Variants in SDK1 observed in about 807,000 individuals in gnomAD.
The protein encoded by SDK1 is sidekick cell adhesion molecule 1.
In SDK1, 157 loss-of-function variants were observed where a neutral mutation model predicts 245.5. That is an observed-to-expected ratio of 0.64 (90% CI 0.56 to 0.73). The LOEUF (loss-of-function observed/expected upper bound fraction) is 0.73. SDK1 is among the 30% of genes least tolerant of loss of function. The probability of loss-of-function intolerance (pLI) is 0.00; values close to 1 mark genes in which losing one functional copy is unlikely to be tolerated. For missense variants in SDK1, 3,583 were observed against 3,002.3 expected, an observed-to-expected ratio of 1.19 and a Z score of -4.52; for synonymous variants, 1,647 against 1,278.5, an observed-to-expected ratio of 1.29 and a Z score of -6.15.
intron 5 of SDK1, among the ~76,000 whole-genome samples, chr7:3,902,650 A>G (rs1781829058): frequency 6.6e-6 from 1 of 152,248 alleles, no homozygotes; most frequent in Non-Finnish European, 1.5e-5. Flanking sequence ...GTGGATATAT[A>G]AACTGTTAGT....
At chr7:3,564,306 A>G (rs1779838660) in intron 1 of SDK1, among the ~76,000 whole-genome samples, 2 of 152,128 alleles carry the variant, frequency 1.3e-5, no homozygotes, top group South Asian at 2.1e-4. Flanking sequence ...GACCTCTGAC[A>G]GACTCAAAAA....
chr7:3,523,262 A>C (rs1483364747), intron 1 of SDK1, among the ~76,000 whole-genome samples: 3 of 152,152 alleles, frequency 2.0e-5, no homozygotes, highest in African/African-American at 7.2e-5. Flanking sequence ...GCTCTTTCTC[A>C]ATTAACAGTT....
chr7:3,507,212 C>G (rs895856298), intron 1 of SDK1, among the ~76,000 whole-genome samples: 1 of 152,144 alleles, frequency 6.6e-6, no homozygotes. Context: ...CAGCTTAGTT[C>G]TCTCTAGTAG....
At chr7:4,255,718 A>G (rs1250163543) in intron 44 of SDK1, among the ~76,000 whole-genome samples, 1 of 152,118 alleles carries the variant, frequency 6.6e-6, no homozygotes, top group Non-Finnish European at 1.5e-5. Flanking sequence ...TTAAATTCCT[A>G]AACCAGCAGC....
intron 5 of SDK1, among the ~76,000 whole-genome samples, chr7:3,948,532 G>A (rs932520688): frequency 7.2e-5 from 11 of 152,230 alleles, no homozygotes; most frequent in African/African-American, 1.7e-4. Context: ...AAAGTGCTGG[G>A]ATGACAGGCG....
At chr7:3,418,103 C>G (rs1021207788) in intron 1 of SDK1, among the ~76,000 whole-genome samples, 6 of 142,416 alleles carry the variant, frequency 4.2e-5, no homozygotes, top group Non-Finnish European at 8.9e-5. Context: ...GAATTCAAGA[C>G]CAGCCTGGGC....
chr7:3,349,539 C>T (rs916212150), intron 1 of SDK1, among the ~76,000 whole-genome samples: 3 of 152,070 alleles, frequency 2.0e-5, no homozygotes, highest in African/African-American at 2.4e-5. Context: ...GACTAAGAAG[C>T]GAAGGATATG....
chr7:3,524,220 G>C (rs1183172809), intron 1 of SDK1, among the ~76,000 whole-genome samples: 1 of 152,190 alleles, frequency 6.6e-6, no homozygotes, highest in Non-Finnish European at 1.5e-5. Context: ...GCACCAGTTT[G>C]TATAGGGCTT....
chr7:3,376,908 T>A (rs1359369296), intron 1 of SDK1, among the ~76,000 whole-genome samples: 1 of 152,182 alleles, frequency 6.6e-6, no homozygotes, highest in Non-Finnish European at 1.5e-5. Flanking sequence ...CCTCTTGGAC[T>A]TTCCTGGATC....
chr7:3,973,998 A>G (rs1313335581), intron 12 of SDK1, among the ~76,000 whole-genome samples: 3 of 152,048 alleles, frequency 2.0e-5, no homozygotes, highest in Non-Finnish European at 2.9e-5. Flanking sequence ...CCTGGGCCAC[A>G]TGGCAAAACC....
At chr7:3,645,150 T>C (rs958876858) in intron 4 of SDK1, among the ~76,000 whole-genome samples, 1 of 152,204 alleles carries the variant, frequency 6.6e-6, no homozygotes, top group African/African-American at 2.4e-5. Flanking sequence ...ATTTCATAAA[T>C]TTTTTAAACT....
At chr7:4,067,001 A>G (rs1466837324) in intron 19 of SDK1, among the ~76,000 whole-genome samples, 4 of 152,204 alleles carry the variant, frequency 2.6e-5, no homozygotes, top group African/African-American at 9.6e-5. Context: ...TGAGAGGTTC[A>G]TCATCATGAC....
chr7:3,649,160 G>A lies in SDK1; in HGVS notation c.713+7055G>A, dbSNP rs891483383. On this transcript the variant is annotated intron_variant, in intron 4 of 44. Coordinates refer to ENST00000404826, the MANE Select transcript of SDK1 (RefSeq NM_152744.4). ...GCAGGTAATACACAGGACACTTTGGGGTGAGGGTCGTGCTGCCACGCTGAG... is the reference window on the plus strand; with the variant it reads ...GCAGGTAATACACAGGACACTTTGGAGTGAGGGTCGTGCTGCCACGCTGAG... Among the ~76,000 whole-genome samples the A allele has an allele frequency of 2.0e-5, 3 of 152,276 alleles. No homozygotes were observed. The East Asian group carries it at 5.8e-4, about 29-fold the overall frequency.
chr7:3,613,146 C>G (rs1169616950), intron 1 of SDK1, among the ~76,000 whole-genome samples: 1 of 152,158 alleles, frequency 6.6e-6, no homozygotes, highest in Non-Finnish European at 1.5e-5. Context: ...GATGATACGA[C>G]TTAATTTTAG....
intron 1 of SDK1, among the ~76,000 whole-genome samples, chr7:3,379,890 C>T (rs73671809): frequency 2.6e-5 from 4 of 152,006 alleles, no homozygotes; most frequent in Non-Finnish European, 4.4e-5. Context: ...TTGGGATGCT[C>T]AGCTAGTTGA....
At chr7:3,742,331 G>C (rs1345588893) in intron 4 of SDK1, among the ~76,000 whole-genome samples, 1 of 152,036 alleles carries the variant, frequency 6.6e-6, no homozygotes, top group Admixed American at 6.6e-5. Context: ...TGAGCTCTCT[G>C]CCTTTTCCCG....
chr7:4,245,727 C>A lies in SDK1; in HGVS notation c.6303C>A (p.Ile2101=). Residue 2101 remains isoleucine, a synonymous_variant, in exon 44 of 45, where the codon ATC becomes ATA. Coordinates refer to ENST00000404826, the MANE Select transcript of SDK1 (RefSeq NM_152744.4). ...GCCTGCACTACTCAGACGAGGACAT[C>A]TGCAACAAGTACAACGGCGCCGTGC... ...PGGLHYSDED[I]CNKYNGAVLT... is the part of the protein sequence containing the mutation. The A allele has an allele frequency of 6.2e-7, 1 of 1,614,122 alleles. No homozygotes were observed. The highest frequency in any genetic ancestry group is 8.5e-7 in the Non-Finnish European group (1 of 1,179,988).
intron 1 of SDK1, among the ~76,000 whole-genome samples, chr7:3,439,174 A>G (rs989903489): frequency 2.6e-5 from 4 of 152,132 alleles, no homozygotes; most frequent in South Asian, 2.1e-4. Context: ...TAATTATCCA[A>G]CATCTCAAAT....
chr7:3,803,681 T>C (rs1004268520), intron 4 of SDK1, among the ~76,000 whole-genome samples: 5 of 151,996 alleles, frequency 3.3e-5, no homozygotes, highest in African/African-American at 9.7e-5. Flanking sequence ...ATTCTAGATA[T>C]GTATGCTTTA....
Sources: gnomAD v4.1 joint callset for allele counts (sites outside exome capture counted in the v4.1 genomes callset) on GRCh38, gnomAD v4.1.1 for gene constraint, MANE v1.5 for transcripts, NCBI Gene and HGNC (gene_info 2026-07-23, HGNC 2026-07-21) for gene names.